KIAA1549L: variants seen among roughly 807,000 people sequenced by gnomAD.
KIAA1549L encodes the protein KIAA1549 like.
A neutral mutation model predicts 160.7 loss-of-function variants in KIAA1549L; 88 were observed. That is an observed-to-expected ratio of 0.55 (90% CI 0.46 to 0.65). The LOEUF is 0.65. Ranked by LOEUF, KIAA1549L falls within the 30% of genes least tolerant of loss-of-function variation. The probability of loss-of-function intolerance (pLI) is 0.00; values close to 1 mark genes in which losing one functional copy is unlikely to be tolerated. For missense variants in KIAA1549L, 2,258 were observed against 2,437.5 expected (o/e 0.93, Z 1.55); for synonymous variants, 950 against 976.7 (o/e 0.97, Z 0.51).
chr11:33,620,644 A>G (rs1027598294), intron 16 of KIAA1549L, among the ~76,000 whole-genome samples: 3 of 152,110 alleles, frequency 2.0e-5, no homozygotes, highest in Non-Finnish European at 2.9e-5. Flanking sequence ...CAGTTATATA[A>G]TTTGCCTACC....
intron 16 of KIAA1549L, among the ~76,000 whole-genome samples, chr11:33,632,364 T>C (rs1470691862): frequency 6.6e-6 from 1 of 152,198 alleles, no homozygotes; most frequent in African/African-American, 2.4e-5. Context: ...GACTGAGCCA[T>C]CATATGCCAA....
In KIAA1549L at chr11:33,668,495, A is replaced by C; in HGVS notation, c.*341A>C. 1 of 318,984 alleles carries C rather than the reference A, an allele frequency of 3.1e-6. No individual in the cohort carries two copies. The highest frequency in any genetic ancestry group is 5.9e-6 in the Non-Finnish European group (1 of 169,998). 19.8% of individuals were successfully genotyped at this position (318,984 alleles called of 1,614,324 possible). On this transcript the variant is annotated 3_prime_UTR_variant, in exon 21 of 21. Coordinates refer to ENST00000658780, the MANE Select transcript of KIAA1549L (RefSeq NM_012194.3). Reference sequence around the variant, plus strand: ...TCCTATCCAATGCCACATTTTAATAAATCACCGGAAGCGGGAGAATGTAGC... The same window carrying C: ...TCCTATCCAATGCCACATTTTAATACATCACCGGAAGCGGGAGAATGTAGC...
intron 1 of KIAA1549L, among the ~76,000 whole-genome samples, chr11:33,539,156 A>AT (rs942673079): frequency 6.6e-5 from 10 of 151,418 alleles, no homozygotes; most frequent in Admixed American, 2.0e-4. Flanking sequence ...ATCATTGAGC[A>AT]TTTTTTTTTA....
intron 1 of KIAA1549L, among the ~76,000 whole-genome samples, chr11:33,515,960 G>C (rs980102146): frequency 1.3e-5 from 2 of 152,170 alleles, no homozygotes; most frequent in East Asian, 3.9e-4. Context: ...AGAAACCTCA[G>C]AGATCACCTT....
chr11:33,465,588 C>T (rs535652081), intron 1 of KIAA1549L, among the ~76,000 whole-genome samples: 1 of 152,108 alleles, frequency 6.6e-6, no homozygotes, highest in East Asian at 1.9e-4. Context: ...AATTTATATG[C>T]CAATATGAAG....
chr11:33,649,018 G>A (rs1024296758), intron 17 of KIAA1549L, among the ~76,000 whole-genome samples: 1 of 152,178 alleles, frequency 6.6e-6, no homozygotes, highest in Non-Finnish European at 1.5e-5. Context: ...AAAGTACTCA[G>A]TGAGGAAACT....
intron 1 of KIAA1549L, among the ~76,000 whole-genome samples, chr11:33,391,703 C>T (rs1012181676): frequency 2.0e-5 from 3 of 152,150 alleles, no homozygotes; most frequent in African/African-American, 7.2e-5. Context: ...GCTCTCACAA[C>T]GGGTCGTGTT....
intron 18 of KIAA1549L, 54 bp downstream of exon 18, chr11:33,656,163 T>A (rs1852058347): frequency 7.3e-7 from 1 of 1,365,542 alleles, no homozygotes; most frequent in Admixed American, 1.9e-5. Flanking sequence ...GGGTCAGTCC[T>A]ATGTACCCTG....
intron 1 of KIAA1549L, among the ~76,000 whole-genome samples, chr11:33,432,905 C>A (rs1851279268): frequency 6.6e-6 from 1 of 152,186 alleles, no homozygotes; most frequent in Admixed American, 6.5e-5. Context: ...AACTGGACCC[C>A]TTCCTTATAC....
intron 1 of KIAA1549L, among the ~76,000 whole-genome samples, chr11:33,449,693 C>T (rs923921940): frequency 1.3e-5 from 2 of 152,160 alleles, no homozygotes; most frequent in Admixed American, 6.5e-5. Flanking sequence ...CTTACGGTTG[C>T]ATCTTCCTCC....
At chr11:33,520,689 ACACACACACACACAC>A (rs1853466358) in intron 1 of KIAA1549L, among the ~76,000 whole-genome samples, 2 of 34,806 alleles carry the variant, frequency 5.7e-5, no homozygotes, top group East Asian at 1.1e-3. Context: ...CCCCCAACAC[ACACACACACACACAC>A]ACACACACAC....
At chr11:33,658,668 A>C (rs560435509) in intron 18 of KIAA1549L, 82 bp from the exon 19 acceptor site, 1 of 1,428,074 alleles carries the variant, frequency 7.0e-7, no homozygotes, top group Admixed American at 2.0e-5. Context: ...CCATGCCCAA[A>C]GGTGACGGGG....
rs1590331642 is a variant in KIAA1549L at position 33,547,658 on chromosome 11, C to T, written c.3386-106C>T. The stretch of plus-strand genomic sequence containing the variant: ...TCAATGATGGCCCTGTGCTTACCGG[C>T]TCTGCCCAGAACTTGCAGAAGGTGG... On this transcript the variant is annotated intron_variant, in intron 3 of 20. Coordinates refer to ENST00000658780, the MANE Select transcript of KIAA1549L (RefSeq NM_012194.3). 2.0e-5 allele frequency: 14 copies of T among 703,476 alleles called. No individual in the cohort carries two copies. In the East Asian group the frequency reaches 3.8e-4, roughly 19 times the overall value. The allele number at this position is 703,476 out of a possible 1,614,324, so 43.6% of individuals were successfully genotyped here.
chr11:33,459,551 A>G (rs1851896548), intron 1 of KIAA1549L, among the ~76,000 whole-genome samples: 2 of 152,194 alleles, frequency 1.3e-5, no homozygotes, highest in Non-Finnish European at 2.9e-5. Context: ...TTTTGTCACT[A>G]TAAAAGGAGT....
intron 1 of KIAA1549L, among the ~76,000 whole-genome samples, chr11:33,435,747 CAGAACCAATAAG>C (rs1418886355): frequency 1.0e-5 from 1 of 99,482 alleles, no homozygotes; most frequent in African/African-American, 3.7e-5. Context: ...TCCAGAGAAA[CAGAACCAATAAG>C]ATATATATAT....
chr11:33,554,015 G>C (rs1026084619), intron 6 of KIAA1549L, among the ~76,000 whole-genome samples: 2 of 152,174 alleles, frequency 1.3e-5, no homozygotes, highest in Admixed American at 1.3e-4. Flanking sequence ...TGGATAATTG[G>C]ATGAATTGTT....
chr11:33,659,961 C>T (rs555710831), intron 19 of KIAA1549L, among the ~76,000 whole-genome samples: 94 of 152,358 alleles, frequency 6.2e-4, no homozygotes, highest in Non-Finnish European at 1.1e-3. Flanking sequence ...CCCCTAGCCA[C>T]GGCCAATCCC....
intron 1 of KIAA1549L, among the ~76,000 whole-genome samples, chr11:33,470,229 A>C (rs1447171051): frequency 6.6e-6 from 1 of 152,114 alleles, no homozygotes. Context: ...GTTGTTTTAC[A>C]TGTGGGTATC....
At chr11:33,415,963 G>T (rs1590229641) in intron 1 of KIAA1549L, among the ~76,000 whole-genome samples, 1 of 151,950 alleles carries the variant, frequency 6.6e-6, no homozygotes, top group Non-Finnish European at 1.5e-5. Context: ...AAAAGACCAG[G>T]GATGTCAAGG....
Sources: allele counts gnomAD v4.1 joint callset (sites outside exome capture counted in the v4.1 genomes callset), GRCh38; gene constraint gnomAD v4.1.1; transcripts MANE v1.5; gene names NCBI Gene and HGNC (gene_info 2026-07-23, HGNC 2026-07-21).